The following ZDHHC14 variants were observed in gnomAD, a reference collection of about 807,000 sequenced individuals.
ZDHHC14 encodes the protein zDHHC palmitoyltransferase 14.
Under a neutral mutation model 47.7 loss-of-function variants are expected in ZDHHC14, and 16 were observed. The ratio of observed to expected loss-of-function variants is 0.34; its 90% CI spans 0.23 to 0.51. The LOEUF (loss-of-function observed/expected upper bound fraction) is 0.51. Ranked by LOEUF, ZDHHC14 falls within the 20% of genes least tolerant of loss-of-function variation. The probability of loss-of-function intolerance (pLI) is 0.97; values close to 1 mark genes in which losing one functional copy is unlikely to be tolerated. For synonymous variants in ZDHHC14, 293 were observed against 278.9 expected (o/e 1.05, Z -0.50); for missense variants, 515 against 662.5 (o/e 0.78, Z 2.44).
At chr6:157,498,270 CAA>C (rs35694550) in intron 1 of ZDHHC14, among the ~76,000 whole-genome samples, 2 of 139,920 alleles carry the variant, frequency 1.4e-5, no homozygotes, top group African/African-American at 2.6e-5. Context: ...GACCACATCT[CAA>C]AAAAAAAAAA....
chr6:157,650,467 G>A (rs892543146), intron 7 of ZDHHC14, among the ~76,000 whole-genome samples: 1 of 152,056 alleles, frequency 6.6e-6, no homozygotes, highest in Non-Finnish European at 1.5e-5. Flanking sequence ...CGTGTCCAGA[G>A]CTTCGCAGCA....
intron 1 of ZDHHC14, among the ~76,000 whole-genome samples, chr6:157,485,535 G>A (rs1779756848): frequency 6.6e-6 from 1 of 152,064 alleles, no homozygotes; most frequent in Non-Finnish European, 1.5e-5. Context: ...TGGCTTTATG[G>A]TTTTTCTCCC....
At chr6:157,452,805 C>G (rs1312627888) in intron 1 of ZDHHC14, among the ~76,000 whole-genome samples, 1 of 142,840 alleles carries the variant, frequency 7.0e-6, no homozygotes, top group Non-Finnish European at 1.5e-5. Context: ...CGGGTTCAAG[C>G]GATTCTCGTG....
chr6:157,400,420 C>A (rs1047783586), intron 1 of ZDHHC14, among the ~76,000 whole-genome samples: 2 of 152,174 alleles, frequency 1.3e-5, no homozygotes, highest in Non-Finnish European at 2.9e-5. Context: ...AAAGGGTGAC[C>A]TACACCCTCT....
At chr6:157,442,318 G>A (rs568642159) in intron 1 of ZDHHC14, among the ~76,000 whole-genome samples, 14 of 152,324 alleles carry the variant, frequency 9.2e-5, no homozygotes, top group Admixed American at 3.9e-4. Flanking sequence ...CGGAGGTCAA[G>A]TCTGCAGTGA....
In ZDHHC14 at chr6:157,596,794, G is replaced by A. The variant is rs368163250; in HGVS notation, c.565+3648G>A. Among the ~76,000 whole-genome samples the A allele has an allele frequency of 3.7e-4, 56 of 152,234 alleles. 1 individual carries two copies. Among genetic ancestry groups the A allele is most frequent in the Admixed American group, 1.2e-3 (19 of 15,300 alleles). On this transcript the variant is annotated intron_variant, in intron 3 of 8. Transcript: ENST00000359775. ...CAGCACCCAGCACAGACAGACCTGC[G>A]GCACACTGAGGGGCCAGTAAGCGCG...
At chr6:157,410,803 T>A (rs1287081240) in intron 1 of ZDHHC14, among the ~76,000 whole-genome samples, 1 of 152,226 alleles carries the variant, frequency 6.6e-6, no homozygotes, top group African/African-American at 2.4e-5. Flanking sequence ...TTCAAGCGAT[T>A]CTCCTGCCTC....
In ZDHHC14 at chr6:157,441,415, G is replaced by C. The variant is rs182636995; in HGVS notation, c.245+59149G>C. Among the ~76,000 whole-genome samples, 6 of 152,288 alleles carry C rather than the reference G, an allele frequency of 3.9e-5. No homozygotes were observed. In the East Asian group the frequency reaches 1.2e-3, roughly 29 times the overall value. ...GCCTCCTCATTGCTCACTGCTTTTG[G>C]AAGTGTTAGATTGGCAGATGTGTTG... is the stretch of plus-strand genomic sequence containing the variant. On this transcript the variant is annotated intron_variant, in intron 1 of 8. Coordinates refer to ENST00000359775, the MANE Select transcript of ZDHHC14 (RefSeq NM_024630.3).
chr6:157,571,228 C>T (rs1160746307), intron 2 of ZDHHC14, among the ~76,000 whole-genome samples: 1 of 152,222 alleles, frequency 6.6e-6, no homozygotes, highest in Non-Finnish European at 1.5e-5. Flanking sequence ...CGAGAGCATT[C>T]CTTGAATGAA....
At chr6:157,610,559 G>A (rs559572389) in intron 3 of ZDHHC14, among the ~76,000 whole-genome samples, 21 of 152,314 alleles carry the variant, frequency 1.4e-4, no homozygotes, top group South Asian at 8.3e-4. Context: ...GGTCACTCCT[G>A]AGAGTCTCAA....
At chr6:157,504,193 T>TA (rs893827104) in intron 1 of ZDHHC14, among the ~76,000 whole-genome samples, 81 of 17,212 alleles carry the variant, frequency 4.7e-3, no homozygotes, top group African/African-American at 0.01. Context: ...CATATATATA[T>TA]TTTTTTTTTG....
intron 1 of ZDHHC14, among the ~76,000 whole-genome samples, chr6:157,490,962 A>C (rs951354045): frequency 6.6e-6 from 1 of 151,280 alleles, no homozygotes; most frequent in Non-Finnish European, 1.5e-5. Context: ...CAAAGCAGGG[A>C]GTGGGGGCGC....
At chr6:157,561,048 G>A (rs1054297902) in intron 2 of ZDHHC14, among the ~76,000 whole-genome samples, 5 of 152,264 alleles carry the variant, frequency 3.3e-5, no homozygotes, top group African/African-American at 1.2e-4. Context: ...AATGCAGAGT[G>A]CAGAAGGACA....
rs569242566 is a variant in ZDHHC14, at chr6:157,528,291, G to T, written c.246-14294G>T. Among the ~76,000 whole-genome samples, 156 of 152,164 alleles carry T rather than the reference G, an allele frequency of 1.0e-3. 3 individuals are homozygous for T. Among genetic ancestry groups the T allele is most frequent in the East Asian group, 9.1e-3 (47 of 5,186 alleles). On this transcript the variant is annotated intron_variant, in intron 1 of 8. Transcript: ENST00000359775. ...TCAAAATGAGCTGAACAGTTTTTTT[G>T]TTGTTGTTGTTTTTTAATCTCAGAA...
rs371376984 is a variant in ZDHHC14, at chr6:157,610,773, A to G, written c.566-17576A>G. Among the ~76,000 whole-genome samples the G allele has an allele frequency of 5.6e-4, 86 of 152,340 alleles. 3 individuals are homozygous for G. The South Asian group carries it at 0.017, about 29-fold the overall frequency. On this transcript the variant is annotated intron_variant, in intron 3 of 8. Coordinates refer to ENST00000359775, the MANE Select transcript of ZDHHC14 (RefSeq NM_024630.3). ...TTTTCAACAGATGACTGCAGGACCA[A>G]CGTTGTCACAGGGGCCAGCATTCTC...
At chr6:157,594,940 AGT>A (rs1384780668) in intron 3 of ZDHHC14, among the ~76,000 whole-genome samples, 1 of 151,762 alleles carries the variant, frequency 6.6e-6, no homozygotes. Context: ...GTGATGGGAC[AGT>A]GTGTGTCTTA....
At chr6:157,556,201 C>T (rs1782453244) in intron 2 of ZDHHC14, among the ~76,000 whole-genome samples, 3 of 136,212 alleles carry the variant, frequency 2.2e-5, no homozygotes, top group Admixed American at 9.5e-5. Flanking sequence ...CATAGCTGCA[C>T]AAGGCAGGCG....
At chr6:157,655,504 G>A (rs1351558661) in intron 8 of ZDHHC14, among the ~76,000 whole-genome samples, 2 of 152,218 alleles carry the variant, frequency 1.3e-5, no homozygotes, top group Non-Finnish European at 2.9e-5. Flanking sequence ...ATTCGCAGGT[G>A]CACAAGAAGT....
At chr6:157,618,290 G>A (rs979813886) in intron 3 of ZDHHC14, among the ~76,000 whole-genome samples, 5 of 151,832 alleles carry the variant, frequency 3.3e-5, no homozygotes, top group South Asian at 2.1e-4. Flanking sequence ...CACGAAGACC[G>A]TTTTTGAGGC....
Sources: gnomAD v4.1 joint callset for allele counts (sites outside exome capture counted in the v4.1 genomes callset) on GRCh38, gnomAD v4.1.1 for gene constraint, MANE v1.5 for transcripts, NCBI Gene and HGNC (gene_info 2026-07-23, HGNC 2026-07-21) for gene names.